The following DDOST variants were observed in gnomAD, a reference collection of about 807,000 sequenced individuals.
DDOST encodes dolichyl-diphosphooligosaccharide--protein glycosyltransferase 48 kDa subunit.
A neutral mutation model predicts 47.6 loss-of-function variants in DDOST; 25 were observed. That is an observed-to-expected ratio of 0.53 (90% CI 0.38 to 0.73). The LOEUF (loss-of-function observed/expected upper bound fraction) is 0.73. DDOST is among the 30% of genes least tolerant of loss of function. The pLI, the probability that DDOST is intolerant of heterozygous loss-of-function variation, is 0.00. For synonymous variants in DDOST, 275 were observed against 236.0 expected, an observed-to-expected ratio of 1.17 and a Z score of -1.51; for missense variants, 526 against 573.9, an observed-to-expected ratio of 0.92 and a Z score of 0.85.
At chr1:20,660,771 G>A (rs139598435) in intron 2 of DDOST, 110 bp downstream of exon 2, 12 of 676,088 alleles carry the variant, frequency 1.8e-5, no homozygotes, top group Non-Finnish European at 2.7e-5. Context: ...GCACCATCCA[G>A]GACTGGCAAC....
Position 20,654,725 on chromosome 1 carries a change from C to A in DDOST, c.552-18G>T. The stretch of plus-strand genomic sequence containing the variant: ...CCACCATCCTGCAGCAGGACGAGAG[C>A]AGCCCAGCACTGGCCCCAGGAACTG... On this transcript the variant is annotated intron_variant, in intron 5 of 10. Transcript: ENST00000602624. The A allele has an allele frequency of 6.5e-7, 1 of 1,531,412 alleles. No individual in the cohort carries two copies. Among genetic ancestry groups the A allele is most frequent in the South Asian group, 1.2e-5 (1 of 83,726 alleles). 94.9% of individuals were successfully genotyped at this position (1,531,412 alleles called of 1,614,324 possible).
Position 20,654,607 on chromosome 1 carries a change from C to A in DDOST, c.645+7G>T, listed in dbSNP as rs1229909391. Reference sequence around the variant, plus strand: ...ATTTCGAAGCCTCAAGGTTGTGAAGCCCTTACCTGGGTGATAGGCTTGTCC... The same window carrying A: ...ATTTCGAAGCCTCAAGGTTGTGAAGACCTTACCTGGGTGATAGGCTTGTCC... On this transcript the variant is annotated splice_region_variant and intron_variant, in intron 6 of 10. Coordinates refer to ENST00000602624, the MANE Select transcript of DDOST (RefSeq NM_005216.5). 1.3e-6 allele frequency: 2 copies of A among 1,555,836 alleles called. No homozygotes were observed. The highest frequency in any genetic ancestry group is 2.4e-5 in the East Asian group (1 of 41,764).
At position 20,653,702 on chromosome 1, in the gene DDOST, G is replaced by A. The variant is rs1166682500; in HGVS notation, c.867C>T (p.Leu289=). ...SRWVFKEEGV[L]RVGPVSHHRV... is the part of the protein sequence containing the mutation. ...GATGATGGGACACAGGCCCCACACG[G>A]AGGACACCCTCCTCCTTGAACACCC... Residue 289 remains leucine, a synonymous_variant, in exon 8 of 11, where the codon CTC becomes CTT. Coordinates refer to ENST00000602624, the MANE Select transcript of DDOST (RefSeq NM_005216.5). 1 of 1,614,132 alleles carries A rather than the reference G, an allele frequency of 6.2e-7. No individual in the cohort carries two copies. Among genetic ancestry groups the A allele is most frequent in the Non-Finnish European group, 8.5e-7 (1 of 1,179,998 alleles).
In DDOST at chr1:20,655,443, A is replaced by G; in HGVS notation, c.548T>C (p.Val183Ala). The change falls in exon 5 of 11, where the codon GTT becomes GCT. Residue 183 changes from valine to alanine, a missense_variant. Physicochemically the swap from Val to Ala is moderately conservative, Grantham distance 64. Coordinates refer to ENST00000602624, the MANE Select transcript of DDOST (RefSeq NM_005216.5). ...CTCTCCCTGCTCACTCACTCACCCAACACCTCGAAAGAGGATGGGATTTAG... is the reference window on the plus strand; with the variant it reads ...CTCTCCCTGCTCACTCACTCACCCAGCACCTCGAAAGAGGATGGGATTTAG... ...SSLNPILFRG[V>A]GMVADPDNPL... is the part of the protein sequence containing the mutation. 6.2e-7 allele frequency: 1 copy of G among 1,612,216 alleles called. No individual in the cohort carries two copies. Among genetic ancestry groups the G allele is most frequent in the Non-Finnish European group, 8.5e-7 (1 of 1,178,788 alleles).
intron 2 of DDOST, among the ~76,000 whole-genome samples, chr1:20,658,601 G>A (rs1011681548): frequency 2.6e-5 from 4 of 152,242 alleles, no homozygotes; most frequent in Admixed American, 2.6e-4. Flanking sequence ...CTCCATCAAA[G>A]AGAATGTCTT....
intron 8 of DDOST, among the ~76,000 whole-genome samples, chr1:20,653,331 T>C (rs763323414): frequency 5.9e-5 from 9 of 152,338 alleles, no homozygotes; most frequent in Middle Eastern, 3.4e-3. Flanking sequence ...TTCAACCTAA[T>C]GACCTATTTC....
Position 20,660,893 on chromosome 1 carries a change from G to T in DDOST, c.253C>A (p.Pro85Thr), listed in dbSNP as rs762661909. 1.2e-6 allele frequency: 2 copies of T among 1,602,056 alleles called. No homozygotes were observed. The highest frequency in any genetic ancestry group is 3.3e-5 in the Admixed American group (2 of 59,948). Residue 85 changes from proline (P) to threonine (T), a missense_variant, in exon 2 of 11, where the codon CCT (proline) becomes ACT (threonine). By Grantham distance (38) the Pro-to-Thr change is conservative. Coordinates refer to ENST00000602624, the MANE Select transcript of DDOST (RefSeq NM_005216.5). Reference protein sequence around the residue: ...FLYDNLIIFSPSVEDFGGNIN... With the variant: ...FLYDNLIIFSTSVEDFGGNIN... Reference sequence around the variant, plus strand: ...GCGGAACCCTTACCTTCTACCGAAGGGGAGAAAATGATGAGATTGTCATAG... The same window carrying T: ...GCGGAACCCTTACCTTCTACCGAAGTGGAGAAAATGATGAGATTGTCATAG...
chr1:20,660,861 G>A lies in DDOST; in HGVS notation c.265+20C>T, dbSNP rs1011928396. 3 of 1,450,994 alleles carry A rather than the reference G, an allele frequency of 2.1e-6. No homozygotes were observed. Among genetic ancestry groups the A allele is most frequent in the Non-Finnish European group, 2.9e-6 (3 of 1,032,696 alleles). The allele number at this position is 1,450,994 out of a possible 1,614,324, so 89.9% of individuals were successfully genotyped here. ...CCCGGGTCTCGAATTCCAGTGCTAG[G>A]GGCGACGCGGAACCCTTACCTTCTA... On this transcript the variant is annotated intron_variant, in intron 2 of 10. Coordinates refer to ENST00000602624, the MANE Select transcript of DDOST (RefSeq NM_005216.5).
Position 20,661,253 on chromosome 1 carries a change from A to G in DDOST, c.98T>C (p.Leu33Pro). ...VCASGPRTLV[L>P]LDNLNVRETH... Reference sequence around the variant, plus strand: ...CTCCCGCACGTTGAGGTTGTCCAGCAGCACTAAGGTGCGGGGTCCGCTGGC... The same window carrying G: ...CTCCCGCACGTTGAGGTTGTCCAGCGGCACTAAGGTGCGGGGTCCGCTGGC... The change falls in exon 1 of 11, where the codon CTG becomes CCG. Residue 33 changes from leucine to proline, a missense_variant. By Grantham distance (98) the Leu-to-Pro change is moderately conservative. Transcript: ENST00000602624. 2 of 1,614,068 alleles carry G rather than the reference A, an allele frequency of 1.2e-6. No homozygotes were observed. The highest frequency in any genetic ancestry group is 1.7e-6 in the Non-Finnish European group (2 of 1,180,034).
At chr1:20,655,366 T>G in intron 5 of DDOST, 74 bp downstream of exon 5, 1 of 1,227,562 alleles carries the variant, frequency 8.1e-7, no homozygotes, top group Non-Finnish European at 1.2e-6. Flanking sequence ...AATTTTGCCT[T>G]GATTTCCCAA....
chr1:20,652,296 A>G lies in DDOST; in HGVS notation c.*83T>C. The G allele has an allele frequency of 7.2e-7, 1 of 1,395,150 alleles. No individual in the cohort carries two copies. Among genetic ancestry groups the G allele is most frequent in the African/African-American group, 1.4e-5 (1 of 69,090 alleles). 86.4% of individuals were successfully genotyped at this position (1,395,150 alleles called of 1,614,324 possible). The stretch of plus-strand genomic sequence containing the variant: ...AGTTGTGCCATTTTCCCACGGCTTT[A>G]AACAAAGCAAAACAAAACCACCAAT... On this transcript the variant is annotated 3_prime_UTR_variant, in exon 11 of 11. Coordinates refer to ENST00000602624, the MANE Select transcript of DDOST (RefSeq NM_005216.5).
rs2053300209 is a variant in DDOST at position 20,652,277 on chromosome 1, G to A, written c.*102C>T. On this transcript the variant is annotated 3_prime_UTR_variant, in exon 11 of 11. Transcript: ENST00000602624. ...GCATCTCCCACAGAGGTAAAGTTGT[G>A]CCATTTTCCCACGGCTTTAAACAAA... The A allele has an allele frequency of 6.5e-6, 8 of 1,238,384 alleles. No individual in the cohort carries two copies. Among genetic ancestry groups the A allele is most frequent in the Non-Finnish European group, 8.7e-6 (8 of 921,720 alleles). The allele number at this position is 1,238,384 out of a possible 1,614,324, so 76.7% of individuals were successfully genotyped here.
chr1:20,655,839 C>G, intron 3 of DDOST, 60 bp from the exon 4 acceptor site: 2 of 1,373,192 alleles, frequency 1.5e-6, no homozygotes, highest in Non-Finnish European at 2.1e-6. Flanking sequence ...GGCCAAGTGT[C>G]CTTGGCTTCC....
rs938207143 is a variant in DDOST, at chr1:20,655,850, T to C, written c.353-71A>G. ...CTTGGGCCAAGTGTCCTTGGCTTCC[T>C]TGTGACTCCCTCTCTGTCAGCCCCA... On this transcript the variant is annotated intron_variant, in intron 3 of 10. Coordinates refer to ENST00000602624, the MANE Select transcript of DDOST (RefSeq NM_005216.5). 96 of 1,279,138 alleles carry C rather than the reference T, an allele frequency of 7.5e-5. No individual in the cohort carries two copies. In the South Asian group the frequency reaches 1.1e-3, roughly 14 times the overall value. The allele number at this position is 1,279,138 out of a possible 1,614,324, so 79.2% of individuals were successfully genotyped here.
At position 20,655,170 on chromosome 1, in the gene DDOST, TG is replaced by T. The variant is rs1367915010; in HGVS notation, c.551+269del. Among the ~76,000 whole-genome samples the T allele has an allele frequency of 5.9e-3, 131 of 22,232 alleles. 1 individual carries two copies. Among genetic ancestry groups the T allele is most frequent in the African/African-American group, 0.034 (122 of 3,634 alleles). The allele number at this position is 22,232 out of a possible 152,430, so 14.6% of individuals were successfully genotyped here. On this transcript the variant is annotated intron_variant, in intron 5 of 10. Transcript: ENST00000602624. ...CCACTGCGCTCGGCCAACTTTTTTTTGTTTTTTTTTTTTTTTTTTTTTTTTA... is the reference window on the plus strand; with the variant it reads ...CCACTGCGCTCGGCCAACTTTTTTTTTTTTTTTTTTTTTTTTTTTTTTTTA...
rs886045853 is a variant in DDOST, at chr1:20,651,801, T to TTTTTTTATTTATTTA, written c.*577_*578insTAAATAAATAAAAAA. 1.4e-5 allele frequency: 2 copies of TTTTTTTATTTATTTA among 147,120 alleles called. No homozygotes were observed. Among genetic ancestry groups the TTTTTTTATTTATTTA allele is most frequent in the Non-Finnish European group, 3.0e-5 (2 of 67,138 alleles). 9.1% of individuals were successfully genotyped at this position (147,120 alleles called of 1,614,324 possible). On this transcript the variant is annotated 3_prime_UTR_variant, in exon 11 of 11. Coordinates refer to ENST00000602624, the MANE Select transcript of DDOST (RefSeq NM_005216.5). ...GTTTGAGGGCAACATCTCGCTTTAT[T>TTTTTTTATTTATTTA]TTTATTTATTTATTTATTTATTTAT...
intron 2 of DDOST, 96 bp downstream of exon 2, chr1:20,660,785 T>C (rs528418609): frequency 1.4e-6 from 1 of 728,312 alleles, no homozygotes; most frequent in East Asian, 2.7e-5. Flanking sequence ...TGGCAACCCA[T>C]CCTGTGACCC....
At position 20,661,201 on chromosome 1, in the gene DDOST, C is replaced by T. The variant is rs745482314; in HGVS notation, c.150G>A (p.Leu50=). Residue 50 remains leucine (L), a synonymous_variant, in exon 1 of 11, where the codon CTG becomes CTA. Transcript: ENST00000602624. ...CCCCTCGGACCCCGCTCTCACCCTTCAGGCTCCGGAAGAAAAGCGAATGAG... is the reference window on the plus strand; with the variant it reads ...CCCCTCGGACCCCGCTCTCACCCTTTAGGCTCCGGAAGAAAAGCGAATGAG... ...RETHSLFFRS[L]KDRGFELTFK... 1 of 1,613,706 alleles carries T rather than the reference C, an allele frequency of 6.2e-7. No individual in the cohort carries two copies. The highest frequency in any genetic ancestry group is 8.5e-7 in the Non-Finnish European group (1 of 1,179,902).
intron 2 of DDOST, among the ~76,000 whole-genome samples, chr1:20,658,559 A>C (rs1405917555): frequency 1.3e-5 from 2 of 152,246 alleles, no homozygotes; most frequent in African/African-American, 2.4e-5. Context: ...CAGAGACAGA[A>C]AGTTACTCCC....
Sources: allele counts gnomAD v4.1 joint callset (sites outside exome capture counted in the v4.1 genomes callset), GRCh38; gene constraint gnomAD v4.1.1; transcripts MANE v1.5; gene names NCBI Gene and HGNC (gene_info 2026-07-23, HGNC 2026-07-21).